SENP7: variants seen among roughly 807,000 people sequenced by gnomAD.
The protein encoded by SENP7 is SUMO specific peptidase 7.
In SENP7, 64 loss-of-function variants were observed where a neutral mutation model predicts 141.2. The observed-to-expected ratio is 0.45, with a 90% CI of 0.37 to 0.56. The LOEUF is 0.56. Among genes scored for constraint, SENP7 ranks in the 20% least tolerant of loss-of-function variants. SENP7 has a pLI of 0.00. For synonymous variants in SENP7, 382 were observed against 426.4 expected (o/e 0.90, Z 1.28); for missense variants, 1,025 against 1,212.2 (o/e 0.85, Z 2.29).
rs577272756 is a variant in SENP7, at chr3:101,475,814, T to C, written c.187-16762A>G. 2.0e-5 allele frequency among the ~76,000 whole-genome samples: 3 copies of C among 152,250 alleles called. 1 individual carries two copies. The South Asian group carries it at 6.2e-4, about 32-fold the overall frequency. ...ATTCAGCAAGAGAACATAACAATTA[T>C]AAACATATTTACACCCAATACAGGA... On this transcript the variant is annotated intron_variant, in intron 3 of 23. Transcript: ENST00000394095.
chr3:101,365,461 C>G (rs1428634350), intron 9 of SENP7, among the ~76,000 whole-genome samples: 1 of 150,994 alleles, frequency 6.6e-6, no homozygotes, highest in Admixed American at 6.6e-5. Flanking sequence ...CATGGTGAAA[C>G]CCTGTCTCTA....
intron 11 of SENP7, among the ~76,000 whole-genome samples, chr3:101,361,214 C>A (rs375277766): frequency 1.3e-4 from 16 of 123,690 alleles, no homozygotes; most frequent in Middle Eastern, 4.0e-3. Context: ...CTCTGTCCGC[C>A]CCCCCAAAAA....
intron 4 of SENP7, among the ~76,000 whole-genome samples, chr3:101,428,930 C>A (rs1267994123): frequency 6.6e-6 from 1 of 152,138 alleles, no homozygotes. Flanking sequence ...TTACACAACA[C>A]CATTTATTAA....
At chr3:101,406,255 A>G (rs954370149) in intron 5 of SENP7, among the ~76,000 whole-genome samples, 1 of 152,208 alleles carries the variant, frequency 6.6e-6, no homozygotes, top group Non-Finnish European at 1.5e-5. Context: ...ATGCAGCCAT[A>G]AAAAAGGATG....
chr3:101,378,516 A>C (rs2060402964), intron 6 of SENP7, among the ~76,000 whole-genome samples: 1 of 152,144 alleles, frequency 6.6e-6, no homozygotes, highest in Non-Finnish European at 1.5e-5. Context: ...AGCAAAGAGA[A>C]AAAAAGACTA....
chr3:101,392,767 C>T (rs1449129161), intron 6 of SENP7, among the ~76,000 whole-genome samples: 2 of 152,198 alleles, frequency 1.3e-5, no homozygotes, highest in Non-Finnish European at 2.9e-5. Flanking sequence ...CTGGAGGCAT[C>T]ACACTATCTG....
chr3:101,400,671 CT>C (rs1307563310), intron 5 of SENP7, among the ~76,000 whole-genome samples: 2 of 151,796 alleles, frequency 1.3e-5, no homozygotes, highest in East Asian at 3.8e-4. Flanking sequence ...CCCTATCTCT[CT>C]CTCTCTCCTC....
intron 7 of SENP7, among the ~76,000 whole-genome samples, chr3:101,370,290 C>A (rs1324410109): frequency 6.6e-6 from 1 of 152,134 alleles, no homozygotes; most frequent in Non-Finnish European, 1.5e-5. Context: ...TTAGTCCTCA[C>A]ATTCTACTGC....
intron 3 of SENP7, among the ~76,000 whole-genome samples, chr3:101,470,548 T>C (rs942814125): frequency 1.3e-5 from 2 of 152,212 alleles, no homozygotes; most frequent in Non-Finnish European, 2.9e-5. Flanking sequence ...AATATCATAC[T>C]GAATAGGCAA....
chr3:101,390,629 G>C (rs1041238478), intron 6 of SENP7, among the ~76,000 whole-genome samples: 9 of 152,096 alleles, frequency 5.9e-5, no homozygotes, highest in African/African-American at 9.7e-5. Context: ...TAAAAGAAGA[G>C]ACAGACTCCA....
At chr3:101,371,421 T>C (rs2060177524) in intron 7 of SENP7, among the ~76,000 whole-genome samples, 1 of 152,224 alleles carries the variant, frequency 6.6e-6, no homozygotes, top group African/African-American at 2.4e-5. Context: ...CACAAATAAA[T>C]AATGTAGTAA....
rs60569501 is a variant in SENP7, at chr3:101,463,400, T to TATATATATATATATACACAC, written c.187-4349_187-4348insGTGTGTATATATATATATAT. ...ATATATATATATATATATATATACA[T>TATATATATATATATACACAC]ATATATATATATATATACACACACA... On this transcript the variant is annotated intron_variant, in intron 3 of 23. Coordinates refer to ENST00000394095, the MANE Select transcript of SENP7 (RefSeq NM_020654.5). Among the ~76,000 whole-genome samples, 92 of 77,970 alleles carry TATATATATATATATACACAC rather than the reference T, an allele frequency of 1.2e-3. 1 individual carries two copies. The highest frequency in any genetic ancestry group is 1.9e-3 in the Admixed American group (12 of 6,234). The allele number at this position is 77,970 out of a possible 152,430, so 51.2% of individuals were successfully genotyped here.
intron 3 of SENP7, among the ~76,000 whole-genome samples, chr3:101,464,579 C>T (rs1202432143): frequency 6.6e-6 from 1 of 151,952 alleles, no homozygotes; most frequent in Non-Finnish European, 1.5e-5. Context: ...TTACTGTCTC[C>T]CATCACCTCC....
chr3:101,427,548 A>G lies in SENP7; in HGVS notation c.285-9758T>C, dbSNP rs1369714812. On this transcript the variant is annotated intron_variant, in intron 4 of 23. Transcript: ENST00000394095. Reference sequence around the variant, plus strand: ...ATAAACAGAGCTAAAGTCAAAAACCACATGATTACCTCAATACATGCAAAA... The same window carrying G: ...ATAAACAGAGCTAAAGTCAAAAACCGCATGATTACCTCAATACATGCAAAA... 3.3e-5 allele frequency among the ~76,000 whole-genome samples: 5 copies of G among 151,904 alleles called. No homozygotes were observed. In the South Asian group the frequency reaches 1.0e-3, roughly 32 times the overall value.
intron 19 of SENP7, among the ~76,000 whole-genome samples, chr3:101,331,470 T>TAAAAAAAAA (rs56780926): frequency 7.3e-6 from 1 of 137,330 alleles, no homozygotes; most frequent in Non-Finnish European, 1.5e-5. Flanking sequence ...CAACGTCTCT[T>TAAAAAAAAA]AAAAAAAAAA....
Position 101,332,830 on chromosome 3 carries a change from G to A in SENP7, c.2513C>T (p.Thr838Ile). 6.3e-7 allele frequency: 1 copy of A among 1,576,064 alleles called. No individual in the cohort carries two copies. Among genetic ancestry groups the A allele is most frequent in the East Asian group, 2.3e-5 (1 of 42,576 alleles). Residue 838 changes from threonine to isoleucine, a missense_variant, in exon 18 of 24, where the codon ACA (threonine) becomes ATA (isoleucine). Coordinates refer to ENST00000394095, the MANE Select transcript of SENP7 (RefSeq NM_020654.5). ...AAAAATGTTTATGTGACGAGTCCAT[G>A]TTCTTACTCTTTTATGTCTTCTCTG... Reference protein sequence around the residue: ...MAQRRHKRVRTWTRHINIFNK... With the variant: ...MAQRRHKRVRIWTRHINIFNK...
intron 11 of SENP7, chr3:101,357,735 A>G (rs1026343887): frequency 4.5e-6 from 3 of 670,268 alleles, no homozygotes; most frequent in Non-Finnish European, 8.2e-6. Flanking sequence ...TCAAACAGAC[A>G]TAAGACATAC....
chr3:101,410,074 C>T (rs1456131292), intron 5 of SENP7, among the ~76,000 whole-genome samples: 1 of 151,902 alleles, frequency 6.6e-6, no homozygotes, highest in Non-Finnish European at 1.5e-5. Flanking sequence ...ATAATGAATG[C>T]AAACAAATCA....
At chr3:101,483,751 G>A (rs2064603782) in intron 3 of SENP7, among the ~76,000 whole-genome samples, 1 of 152,242 alleles carries the variant, frequency 6.6e-6, no homozygotes, top group South Asian at 2.1e-4. Context: ...GCTGGGCATG[G>A]TGGCTTGCAC....
Sources: gnomAD v4.1 joint callset for allele counts (sites outside exome capture counted in the v4.1 genomes callset) on GRCh38, gnomAD v4.1.1 for gene constraint, MANE v1.5 for transcripts, NCBI Gene and HGNC (gene_info 2026-07-23, HGNC 2026-07-21) for gene names.